Variants in GABRR3 observed in about 807,000 individuals in gnomAD.
GABRR3 encodes the protein gamma-aminobutyric acid type A receptor subunit rho3.
GABRR3 carries 29 observed loss-of-function variants against 43.2 expected under a neutral mutation model. The observed-to-expected ratio is 0.67, with a 90% CI of 0.50 to 0.92. The LOEUF is 0.92. Among genes scored for constraint, GABRR3 ranks in the 40% least tolerant of loss-of-function variants. GABRR3 has a pLI of 0.00. For missense variants in GABRR3, 576 were observed against 572.3 expected, an observed-to-expected ratio of 1.01 and a Z score of -0.07; for synonymous variants, 206 against 195.9, an observed-to-expected ratio of 1.05 and a Z score of -0.43.
At chr3:98,031,041 C>G (rs1357866822) in intron 2 of GABRR3, among the ~76,000 whole-genome samples, 4 of 152,068 alleles carry the variant, frequency 2.6e-5, no homozygotes, top group African/African-American at 9.7e-5. Context: ...TTAGAGAAAA[C>G]GTGGTACATC....
chr3:98,001,629 G>A (rs372416866), exon 8 of GABRR3: 10 of 1,612,898 alleles, frequency 6.2e-6, no homozygotes, highest in Non-Finnish European at 2.5e-6. Context: ...GGAAACTCTT[G>A]CAGGAACAGC....
chr3:98,022,228 G>C (rs1010928438), intron 3 of GABRR3, among the ~76,000 whole-genome samples: 3 of 151,980 alleles, frequency 2.0e-5, no homozygotes, highest in African/African-American at 7.3e-5. Context: ...TAAAAGGTGG[G>C]GAAAACATAA....
chr3:97,992,105 G>A (rs1399500329), intron 9 of GABRR3, among the ~76,000 whole-genome samples: 1 of 152,138 alleles, frequency 6.6e-6, no homozygotes, highest in Non-Finnish European at 1.5e-5. Flanking sequence ...AATGAAGCAG[G>A]TAGAGAGCAA....
chr3:98,034,035 C>A (rs1707122809), intron 2 of GABRR3, among the ~76,000 whole-genome samples: 1 of 152,178 alleles, frequency 6.6e-6, no homozygotes, highest in Admixed American at 6.6e-5. Flanking sequence ...ACATCTGTCA[C>A]CCCATTGGCT....
At chr3:98,006,204 A>C (rs1706722930) in intron 7 of GABRR3, among the ~76,000 whole-genome samples, 1 of 152,120 alleles carries the variant, frequency 6.6e-6, no homozygotes, top group South Asian at 2.1e-4. Context: ...TTTTCCTTTA[A>C]ATTTTTCTGA....
intron 4 of GABRR3, among the ~76,000 whole-genome samples, chr3:98,014,527 C>A (rs1320822073): frequency 6.6e-6 from 1 of 152,128 alleles, no homozygotes; most frequent in South Asian, 2.1e-4. Context: ...TTTTGAGTAG[C>A]GAGTCCTATT....
intron 1 of GABRR3, 97 bp from the exon 2 acceptor site, chr3:98,035,086 GT>G: frequency 7.1e-7 from 1 of 1,409,804 alleles, no homozygotes; most frequent in Non-Finnish European, 9.6e-7. Context: ...CAAACAGCAT[GT>G]CAGGGGAAAT....
chr3:98,009,902 A>G (rs1171780863), intron 5 of GABRR3, among the ~76,000 whole-genome samples: 2 of 152,140 alleles, frequency 1.3e-5, no homozygotes, highest in Admixed American at 1.3e-4. Flanking sequence ...AGTACTTTAA[A>G]CCTAGAAAGG....
chr3:97,991,346 A>G lies in GABRR3; in HGVS notation c.1104+1506T>C, dbSNP rs76447198. Among the ~76,000 whole-genome samples, 730 of 152,320 alleles carry G rather than the reference A, an allele frequency of 4.8e-3. 34 individuals carry two copies. In the East Asian group the frequency reaches 0.082, roughly 17 times the overall value. On this transcript the variant is annotated intron_variant, in intron 9 of 9. Transcript: ENST00000621172. The stretch of plus-strand genomic sequence containing the variant: ...CACCTAGAGCTTATTAGAAATTCAT[A>G]GTCTCAGGTCCCACCCCAAACCTCC...
chr3:97,985,645 C>T (rs573987905), downstream of GABRR3, among the ~76,000 whole-genome samples: 19 of 152,134 alleles, frequency 1.2e-4, no homozygotes, highest in African/African-American at 2.7e-4. Flanking sequence ...GCCTGGCACA[C>T]GTAGGTGGTC....
intron 2 of GABRR3, among the ~76,000 whole-genome samples, chr3:98,028,265 T>C (rs181254413): frequency 5.3e-5 from 8 of 152,294 alleles, no homozygotes; most frequent in Non-Finnish European, 8.8e-5. Flanking sequence ...TCTTTATAGA[T>C]GGAAATATTG....
chr3:98,022,875 T>TA (rs971935364), intron 3 of GABRR3, among the ~76,000 whole-genome samples: 18 of 152,084 alleles, frequency 1.2e-4, no homozygotes, highest in Admixed American at 3.3e-4. Context: ...CATTTTCATT[T>TA]AAAAAAAATC....
chr3:97,990,447 C>A (rs1407488522), intron 9 of GABRR3, among the ~76,000 whole-genome samples: 1 of 151,978 alleles, frequency 6.6e-6, no homozygotes, highest in Non-Finnish European at 1.5e-5. Flanking sequence ...CTCCCAGGTC[C>A]AAGCAATTCT....
At chr3:97,992,871 T>C in exon 9 of GABRR3, 1 of 1,609,624 alleles carries the variant, frequency 6.2e-7, no homozygotes, top group Middle Eastern at 1.7e-4. Flanking sequence ...CTTCTTGAAT[T>C]GTTTCCGCTC....
At chr3:97,989,008 T>C (rs539254105) in intron 9 of GABRR3, among the ~76,000 whole-genome samples, 2 of 149,788 alleles carry the variant, frequency 1.3e-5, no homozygotes, top group African/African-American at 4.9e-5. Flanking sequence ...TGGTAGATGG[T>C]GCATGGTGGT....
At position 97,998,081 on chromosome 3, in the gene GABRR3, A is replaced by G. The variant is rs188137748; in HGVS notation, c.907+3534T>C. On this transcript the variant is annotated intron_variant, in intron 8 of 9. Transcript: ENST00000621172. ...ATTCTGACAATTAAAAATAGTAAAA[A>G]AAAAACTTAAGAAAAACAGACCAAA... The G allele has an allele frequency of 5.3e-5, 8 of 152,254 alleles. No homozygotes were observed. In the East Asian group the frequency reaches 1.5e-3, roughly 29 times the overall value. 9.4% of individuals were successfully genotyped at this position (152,254 alleles called of 1,614,324 possible). A position where few individuals can be genotyped will look rare whatever the true frequency, so the allele number is the denominator to read the frequency against.
intron 7 of GABRR3, among the ~76,000 whole-genome samples, chr3:98,002,601 C>G (rs1219726368): frequency 1.3e-5 from 2 of 151,928 alleles, no homozygotes; most frequent in African/African-American, 4.8e-5. Context: ...TCATACATTT[C>G]TAATTTATAT....
intron 2 of GABRR3, among the ~76,000 whole-genome samples, chr3:98,030,245 A>G (rs1559782455): frequency 6.6e-6 from 1 of 152,210 alleles, no homozygotes; most frequent in Non-Finnish European, 1.5e-5. Flanking sequence ...CAATTATACA[A>G]TTCCAGAAAA....
At chr3:98,029,825 A>C (rs564265470) in intron 2 of GABRR3, among the ~76,000 whole-genome samples, 84 of 152,228 alleles carry the variant, frequency 5.5e-4, no homozygotes, top group African/African-American at 1.9e-3. Flanking sequence ...GCTGTGAAGG[A>C]TATGATGAGG....
Sources: gnomAD v4.1 joint callset for allele counts (sites outside exome capture counted in the v4.1 genomes callset) on GRCh38, gnomAD v4.1.1 for gene constraint, MANE v1.5 for transcripts, NCBI Gene and HGNC (gene_info 2026-07-23, HGNC 2026-07-21) for gene names.